TAFA2: variants seen among roughly 807,000 people sequenced by gnomAD.
The protein encoded by TAFA2 is chemokine-like protein TAFA-2.
TAFA2 carries 7 observed loss-of-function variants against 18.8 expected under a neutral mutation model. The observed-to-expected ratio is 0.37, with a 90% confidence interval of 0.21 to 0.70. The LOEUF (loss-of-function observed/expected upper bound fraction) is 0.70, where lower values mean the gene tolerates loss of function less well. TAFA2 is among the 30% of genes least tolerant of loss of function. The pLI, the probability that TAFA2 is intolerant of heterozygous loss-of-function variation, is 0.53. For missense variants in TAFA2, 122 were observed against 158.1 expected (o/e 0.77, Z 1.23); for synonymous variants, 60 against 54.2 (o/e 1.11, Z -0.47).
intron 1 of TAFA2, among the ~76,000 whole-genome samples, chr12:62,064,843 C>T (rs1882445296): frequency 6.6e-6 from 1 of 152,092 alleles, no homozygotes; most frequent in East Asian, 1.9e-4. Context: ...ATCCTCAGAA[C>T]TTCCAATACC....
intron 1 of TAFA2, among the ~76,000 whole-genome samples, chr12:61,910,066 A>G (rs1876533894): frequency 6.6e-6 from 1 of 150,464 alleles, no homozygotes; most frequent in Non-Finnish European, 1.5e-5. Flanking sequence ...AGAGAGTAGT[A>G]AGATGGTGTG....
At chr12:61,985,682 T>C (rs1879787665) in intron 1 of TAFA2, among the ~76,000 whole-genome samples, 1 of 152,244 alleles carries the variant, frequency 6.6e-6, no homozygotes, top group Non-Finnish European at 1.5e-5. Context: ...TCTAACTTGC[T>C]GATAACATCT....
chr12:62,210,482 A>G (rs1047021308), intron 1 of TAFA2, among the ~76,000 whole-genome samples: 2 of 152,200 alleles, frequency 1.3e-5, no homozygotes, highest in African/African-American at 2.4e-5. Flanking sequence ...AAGTTAAGAC[A>G]GAGCTTCAAA....
intron 2 of TAFA2, among the ~76,000 whole-genome samples, chr12:61,819,966 A>C (rs1872251675): frequency 6.6e-6 from 1 of 152,100 alleles, no homozygotes; most frequent in South Asian, 2.1e-4. Context: ...GTAGAATAAT[A>C]ATGAAATTTT....
intron 1 of TAFA2, among the ~76,000 whole-genome samples, chr12:62,006,723 T>C (rs1336531482): frequency 6.6e-6 from 1 of 152,160 alleles, no homozygotes; most frequent in Non-Finnish European, 1.5e-5. Flanking sequence ...ACTGACATTG[T>C]CATTTAAATG....
At chr12:61,924,803 T>C (rs1414517751) in intron 1 of TAFA2, among the ~76,000 whole-genome samples, 1 of 151,874 alleles carries the variant, frequency 6.6e-6, no homozygotes, top group Non-Finnish European at 1.5e-5. Flanking sequence ...GCAAATTCAA[T>C]AGAGTCAAGA....
chr12:62,230,670 CTTTG>C lies in TAFA2; in HGVS notation c.-130+28089_-130+28092del, dbSNP rs374264583. ...AGAATGTTTTTGGGTTTTGGTTTTT[CTTTG>C]TTTGTTTGTTTGTTTGTTTTTGATA... On this transcript the variant is annotated intron_variant, in intron 1 of 5. Transcript: ENST00000551619. 1.7e-3 allele frequency among the ~76,000 whole-genome samples: 263 copies of C among 151,966 alleles called. 2 individuals are homozygous for C. The highest frequency in any genetic ancestry group is 5.9e-3 in the Admixed American group (90 of 15,250).
chr12:62,209,139 G>T (rs1565779815), intron 1 of TAFA2, among the ~76,000 whole-genome samples: 1 of 152,182 alleles, frequency 6.6e-6, no homozygotes, highest in African/African-American at 2.4e-5. Context: ...GATACAGTTA[G>T]GCTTTGTGTC....
chr12:61,867,178 G>A, intron 2 of TAFA2, 142 bp downstream of exon 2: 1 of 602,896 alleles, frequency 1.7e-6, no homozygotes. Flanking sequence ...AGATAACACT[G>A]CATTATTACT....
chr12:62,089,428 C>G (rs1032129025), intron 1 of TAFA2, among the ~76,000 whole-genome samples: 2 of 152,058 alleles, frequency 1.3e-5, no homozygotes, highest in African/African-American at 4.8e-5. Context: ...TAGAAGAACT[C>G]TAGTAGTGCC....
chr12:62,209,697 C>T (rs1371544586), intron 1 of TAFA2, among the ~76,000 whole-genome samples: 1 of 152,174 alleles, frequency 6.6e-6, no homozygotes, highest in Admixed American at 6.5e-5. Flanking sequence ...GTGAGAGCCA[C>T]TGAACTATTT....
intron 1 of TAFA2, among the ~76,000 whole-genome samples, chr12:62,125,466 T>C (rs1232979482): frequency 6.6e-6 from 1 of 152,120 alleles, no homozygotes; most frequent in East Asian, 1.9e-4. Context: ...AAGACACTCA[T>C]CTTACCGTCG....
intron 2 of TAFA2, among the ~76,000 whole-genome samples, chr12:61,765,716 A>C (rs1019939944): frequency 6.6e-6 from 1 of 152,168 alleles, no homozygotes; most frequent in East Asian, 1.9e-4. Context: ...AGTGTTAGCT[A>C]TAATTATTAT....
intron 1 of TAFA2, among the ~76,000 whole-genome samples, chr12:62,084,424 T>C (rs575148171): frequency 6.6e-6 from 1 of 152,318 alleles, no homozygotes; most frequent in African/African-American, 2.4e-5. Context: ...CAAAGTCATT[T>C]ATTCACAAGA....
intron 1 of TAFA2, among the ~76,000 whole-genome samples, chr12:61,947,700 G>C (rs773716414): frequency 6.6e-6 from 1 of 152,004 alleles, no homozygotes; most frequent in Non-Finnish European, 1.5e-5. Flanking sequence ...CAATTCTCTG[G>C]CCCCTGAAAG....
At chr12:61,853,904 T>C (rs1374474492) in intron 2 of TAFA2, among the ~76,000 whole-genome samples, 1 of 152,108 alleles carries the variant, frequency 6.6e-6, no homozygotes, top group Non-Finnish European at 1.5e-5. Flanking sequence ...CCCTAACTGC[T>C]TTCACCCCTC....
chr12:62,218,070 A>G (rs933779584), intron 1 of TAFA2, among the ~76,000 whole-genome samples: 5 of 151,748 alleles, frequency 3.3e-5, no homozygotes, highest in African/African-American at 9.7e-5. Flanking sequence ...ATCATAGCTC[A>G]CTGCAGCCTC....
intron 1 of TAFA2, among the ~76,000 whole-genome samples, chr12:61,902,307 C>T (rs1345329807): frequency 6.6e-6 from 1 of 152,048 alleles, no homozygotes; most frequent in Non-Finnish European, 1.5e-5. Flanking sequence ...GATGTCAATA[C>T]GTGACTTCTT....
At chr12:61,779,340 A>G (rs1329114352) in intron 2 of TAFA2, among the ~76,000 whole-genome samples, 2 of 151,682 alleles carry the variant, frequency 1.3e-5, no homozygotes, top group Non-Finnish European at 2.9e-5. Flanking sequence ...ACTGGTAGAA[A>G]CCCCTCAGAA....
Sources: gnomAD v4.1 joint callset for allele counts (sites outside exome capture counted in the v4.1 genomes callset) on GRCh38, gnomAD v4.1.1 for gene constraint, MANE v1.5 for transcripts, NCBI Gene and HGNC (gene_info 2026-07-23, HGNC 2026-07-21) for gene names.